The following AREL1 variants were observed in gnomAD, a reference collection of about 807,000 sequenced individuals.
AREL1 encodes the protein apoptosis-resistant E3 ubiquitin protein ligase 1.
In AREL1, 62 loss-of-function variants were observed where a neutral mutation model predicts 99.0. That is an observed-to-expected ratio of 0.63 (90% confidence interval 0.51 to 0.77). The LOEUF is 0.77. AREL1 is among the 30% of genes least tolerant of loss of function. The probability of loss-of-function intolerance (pLI) is 0.00; values close to 1 mark genes in which losing one functional copy is unlikely to be tolerated. For synonymous variants in AREL1, 380 were observed against 376.5 expected, an observed-to-expected ratio of 1.01 and a Z score of -0.11; for missense variants, 879 against 1,027.6, an observed-to-expected ratio of 0.86 and a Z score of 1.98.
intron 1 of AREL1, among the ~76,000 whole-genome samples, chr14:74,699,870 T>TG (rs1199376098): frequency 1.3e-5 from 2 of 152,176 alleles, no homozygotes; most frequent in Non-Finnish European, 2.9e-5. Flanking sequence ...GAGCAAGACT[T>TG]GGAGAATAAG....
At chr14:74,700,769 G>GAGT (rs2090071162) in intron 1 of AREL1, among the ~76,000 whole-genome samples, 1 of 152,178 alleles carries the variant, frequency 6.6e-6, no homozygotes, top group Non-Finnish European at 1.5e-5. Context: ...GACAGAGCGA[G>GAGT]AGTCCCTCTC....
chr14:74,666,878 C>T (rs952305942), intron 17 of AREL1, among the ~76,000 whole-genome samples: 51 of 151,992 alleles, frequency 3.4e-4, no homozygotes, highest in African/African-American at 1.2e-3. Flanking sequence ...CATCACCACA[C>T]CCAGCTAATT....
intron 2 of AREL1, among the ~76,000 whole-genome samples, chr14:74,690,801 A>T (rs1014093750): frequency 3.9e-5 from 6 of 152,230 alleles, no homozygotes; most frequent in Admixed American, 1.3e-4. Flanking sequence ...AAAATATGAC[A>T]GTAGTAAATT....
chr14:74,676,794 TTTTTTA>T lies in AREL1; in HGVS notation c.482-48_482-43del, dbSNP rs921522249. 4.9e-6 allele frequency: 7 copies of T among 1,429,140 alleles called. No homozygotes were observed. The African/African-American group carries it at 6.0e-5, about 12-fold the overall frequency. The allele number at this position is 1,429,140 out of a possible 1,614,324, so 88.5% of individuals were successfully genotyped here. Reference sequence around the variant, plus strand: ...GGAATCTAACATTTATTTATTTTATTTTTTTATTTTTATTTTTTTTGAGATGGAGTC... The same window carrying T: ...GGAATCTAACATTTATTTATTTTATTTTTTTATTTTTTTTGAGATGGAGTC... On this transcript the variant is annotated intron_variant, in intron 5 of 19. Transcript: ENST00000356357.
At chr14:74,695,861 G>T (rs761126156) in intron 1 of AREL1, among the ~76,000 whole-genome samples, 3 of 152,160 alleles carry the variant, frequency 2.0e-5, no homozygotes, top group Non-Finnish European at 4.4e-5. Context: ...GCTGAAGTTT[G>T]AGAAACATGG....
At chr14:74,670,963 C>A in intron 12 of AREL1, 92 bp from the exon 13 acceptor site, 1 of 919,928 alleles carries the variant, frequency 1.1e-6, no homozygotes, top group Admixed American at 2.1e-5. Context: ...TCTCCACATT[C>A]CCTCTATTGT....
chr14:74,712,217 G>A (rs1163075742), intron 1 of AREL1, among the ~76,000 whole-genome samples: 1 of 152,046 alleles, frequency 6.6e-6, no homozygotes, highest in African/African-American at 2.4e-5. Context: ...TATTGAGAAG[G>A]TCAAAGAAGG....
intron 2 of AREL1, among the ~76,000 whole-genome samples, chr14:74,689,001 T>C (rs1256148347): frequency 6.6e-6 from 1 of 151,256 alleles, no homozygotes; most frequent in Non-Finnish European, 1.5e-5. Flanking sequence ...CACGCCAGGC[T>C]AATTTTTTGT....
chr14:74,667,525 A>T lies in AREL1; in HGVS notation c.1984T>A (p.Leu662Met). ...TNANKIFYLN[L>M]LAQYRLASQV... ...CTGGCCAGCCGATATTGGGCCAGCA[A>T]ATTTAAATAGAAGATTTTATTCGCA... The change falls in exon 16 of 20, where the codon TTG becomes ATG. Residue 662 changes from leucine (L) to methionine (M), a missense_variant. Physicochemically the swap from Leu to Met is conservative, Grantham distance 15 (BLOSUM62 2). Coordinates refer to ENST00000356357, the MANE Select transcript of AREL1 (RefSeq NM_001039479.2). The T allele has an allele frequency of 6.2e-7, 1 of 1,613,912 alleles. No homozygotes were observed. The highest frequency in any genetic ancestry group is 8.5e-7 in the Non-Finnish European group (1 of 1,179,896).
chr14:74,705,196 C>A (rs180828610), intron 1 of AREL1, among the ~76,000 whole-genome samples: 2 of 152,214 alleles, frequency 1.3e-5, no homozygotes, highest in Non-Finnish European at 2.9e-5. Flanking sequence ...TGCGTCACCA[C>A]GCCCAGCTAA....
At chr14:74,680,021 C>T (rs1359669198) in intron 5 of AREL1, among the ~76,000 whole-genome samples, 1 of 150,258 alleles carries the variant, frequency 6.7e-6, no homozygotes, top group Non-Finnish European at 1.5e-5. Context: ...ACAAAATATA[C>T]AAAAATTAGC....
chr14:74,696,120 T>C (rs1180923948), intron 1 of AREL1, among the ~76,000 whole-genome samples: 9 of 152,266 alleles, frequency 5.9e-5, no homozygotes, highest in Non-Finnish European at 7.3e-5. Flanking sequence ...CAGAGACATA[T>C]GGCCCACAAA....
chr14:74,672,131 A>T, intron 11 of AREL1: 1 of 372,660 alleles, frequency 2.7e-6, no homozygotes, highest in Non-Finnish European at 5.6e-6. Context: ...CTTTTAATTC[A>T]ACAAGCGCTC....
intron 1 of AREL1, among the ~76,000 whole-genome samples, chr14:74,704,671 A>T (rs2090144193): frequency 6.6e-6 from 1 of 152,096 alleles, no homozygotes; most frequent in South Asian, 2.1e-4. Flanking sequence ...CCTTTATTAG[A>T]TAAACATTTT....
At chr14:74,686,842 T>A (rs150890898) in intron 2 of AREL1, among the ~76,000 whole-genome samples, 216 of 152,250 alleles carry the variant, frequency 1.4e-3, no homozygotes, top group Middle Eastern at 3.4e-3. Flanking sequence ...ACTGGGAACA[T>A]TAGAATTGTC....
At position 74,669,979 on chromosome 14, in the gene AREL1, C is replaced by T. The variant is rs865971029; in HGVS notation, c.1756G>A (p.Ala586Thr). The T allele has an allele frequency of 7.4e-6, 12 of 1,613,124 alleles. No homozygotes were observed. The highest frequency in any genetic ancestry group is 1.0e-5 in the Non-Finnish European group (12 of 1,179,466). Residue 586 changes from alanine (A) to threonine (T), a missense_variant, in exon 14 of 20, where the codon GCC (alanine) becomes ACC (threonine). By Grantham distance (58) the Ala-to-Thr change is moderately conservative. Coordinates refer to ENST00000356357, the MANE Select transcript of AREL1 (RefSeq NM_001039479.2). The stretch of plus-strand genomic sequence containing the variant: ...TGCATACGCAGTCCTATGATTTGGG[C>T]CAGGAAAGAGCGGGTGAAGCGAGCT... ...VRARFTRSFLAQIIGLRMHYK... is the reference protein window; with the variant it reads ...VRARFTRSFLTQIIGLRMHYK...
chr14:74,678,759 C>T (rs1283782928), intron 5 of AREL1, among the ~76,000 whole-genome samples: 3 of 146,824 alleles, frequency 2.0e-5, no homozygotes. Flanking sequence ...AAAAATGGAT[C>T]ATGACCCTAA....
intron 11 of AREL1, 117 bp downstream of exon 11, chr14:74,672,714 A>T: frequency 7.2e-7 from 1 of 1,397,286 alleles, no homozygotes; most frequent in Non-Finnish European, 9.8e-7. Context: ...CAGCCTGGGC[A>T]ATAGAGTGAG....
At position 74,667,391 on chromosome 14, in the gene AREL1, G is replaced by A. The variant is rs1375610273; in HGVS notation, c.2045-14C>T. ...ATTCATTCAGGCCTGAAACAAAGTAGGCAAGTTAAAGTCATACCCACACCA... is the reference window on the plus strand; with the variant it reads ...ATTCATTCAGGCCTGAAACAAAGTAAGCAAGTTAAAGTCATACCCACACCA... On this transcript the variant is annotated splice_polypyrimidine_tract_variant and intron_variant, in intron 16 of 19. Transcript: ENST00000356357. 1.2e-6 allele frequency: 2 copies of A among 1,614,132 alleles called. No homozygotes were observed. The highest frequency in any genetic ancestry group is 2.2e-5 in the East Asian group (1 of 44,890).
Sources: gnomAD v4.1 joint callset for allele counts (sites outside exome capture counted in the v4.1 genomes callset) on GRCh38, gnomAD v4.1.1 for gene constraint, MANE v1.5 for transcripts, NCBI Gene and HGNC (gene_info 2026-07-23, HGNC 2026-07-21) for gene names.